Variants in KDM4B observed in about 807,000 individuals in gnomAD.
The protein encoded by KDM4B is lysine demethylase 4B.
A neutral mutation model predicts 125.2 loss-of-function variants in KDM4B; 32 were observed. That is an observed-to-expected ratio of 0.26 (90% CI 0.19 to 0.34). The LOEUF is 0.34. Among genes scored for constraint, KDM4B ranks in the 10% least tolerant of loss-of-function variants. The probability of loss-of-function intolerance (pLI) is 1.00; values close to 1 mark genes in which losing one functional copy is unlikely to be tolerated. For synonymous variants in KDM4B, 721 were observed against 677.9 expected (o/e 1.06, Z -0.99); for missense variants, 1,190 against 1,577.7 (o/e 0.75, Z 4.16).
intron 3 of KDM4B, among the ~76,000 whole-genome samples, chr19:5,034,262 A>G (rs1462693706): frequency 1.3e-5 from 2 of 152,214 alleles, no homozygotes; most frequent in Non-Finnish European, 2.9e-5. Context: ...AGTTTGGAAG[A>G]TGAATCGTCG....
intron 6 of KDM4B, among the ~76,000 whole-genome samples, chr19:5,055,770 G>A (rs962070466): frequency 6.6e-6 from 1 of 152,204 alleles, no homozygotes; most frequent in African/African-American, 2.4e-5. Context: ...TTTTGGTGAA[G>A]TCTTCTCCCC....
chr19:5,135,313 C>G, intron 14 of KDM4B, 26 bp from the exon 15 acceptor site: 1 of 1,528,248 alleles, frequency 6.5e-7, no homozygotes, highest in African/African-American at 1.4e-5. Flanking sequence ...TGGCTCTGTC[C>G]CCTGAAGGTC....
At chr19:4,984,615 AGT>A (rs2034765658) in intron 1 of KDM4B, among the ~76,000 whole-genome samples, 1 of 151,838 alleles carries the variant, frequency 6.6e-6, no homozygotes, top group Non-Finnish European at 1.5e-5. Context: ...GTGAACTTGG[AGT>A]GTGTTGGGGA....
rs888848023 is a variant in KDM4B at position 5,142,173 on chromosome 19, C to T, written c.2551-1794C>T. 3.3e-5 allele frequency among the ~76,000 whole-genome samples: 5 copies of T among 152,094 alleles called. No homozygotes were observed. The highest frequency in any genetic ancestry group is 9.7e-5 in the African/African-American group (4 of 41,424). The stretch of plus-strand genomic sequence containing the variant: ...CCCTGTGGCCTCCGAGGAAGGACAC[C>T]GAGCCGGGAACTTCGAACCAAACAC... On this transcript the variant is annotated intron_variant, in intron 18 of 22. Coordinates refer to ENST00000159111, the MANE Select transcript of KDM4B (RefSeq NM_015015.3). The surrounding 1 kb of genome is among the most constrained non-coding windows in gnomAD (Gnocchi z 5.4).
chr19:5,038,221 G>A (rs2036691340), intron 3 of KDM4B, among the ~76,000 whole-genome samples: 1 of 152,246 alleles, frequency 6.6e-6, no homozygotes. Context: ...ACTGGGTGTG[G>A]CAGCCCCGGA....
intron 21 of KDM4B, among the ~76,000 whole-genome samples, chr19:5,147,003 C>T (rs191810641): frequency 2.0e-5 from 3 of 147,834 alleles, no homozygotes; most frequent in East Asian, 2.0e-4. Flanking sequence ...ATCTAGTACA[C>T]GGCAGGATGG....
chr19:5,145,543 T>G (rs1347731701), intron 21 of KDM4B, among the ~76,000 whole-genome samples: 1 of 152,096 alleles, frequency 6.6e-6, no homozygotes, highest in South Asian at 2.1e-4. Flanking sequence ...ATCACACCAC[T>G]GCACTCCACA....
In KDM4B at chr19:5,114,287, C is replaced by T; in HGVS notation, c.1115+3469C>T. 3.2e-6 allele frequency: 4 copies of T among 1,239,970 alleles called. No individual in the cohort carries two copies. The highest frequency in any genetic ancestry group is 4.2e-6 in the Non-Finnish European group (4 of 943,342). The allele number at this position is 1,239,970 out of a possible 1,614,324, so 76.8% of individuals were successfully genotyped here. ...ACAGCCTCCCTGGCCCACTGCTGCT[C>T]TGTGAGCCCGGCTGGGCCCAGGCCT... is the stretch of plus-strand genomic sequence containing the variant. On this transcript the variant is annotated intron_variant, in intron 10 of 22. Coordinates refer to ENST00000159111, the MANE Select transcript of KDM4B (RefSeq NM_015015.3). This position sits in a 1 kb window ranked among gnomAD's most constrained non-coding sequence, Gnocchi z 5.8.
At chr19:4,985,140 A>C (rs2145344862) in intron 1 of KDM4B, among the ~76,000 whole-genome samples, 1 of 152,280 alleles carries the variant, frequency 6.6e-6, no homozygotes, top group African/African-American at 2.4e-5. Context: ...CCTGGCCAAC[A>C]TGGTGAAACC....
chr19:5,115,390 C>G lies in KDM4B; in HGVS notation c.1116-4263C>G, dbSNP rs1264390761. 6.6e-6 allele frequency among the ~76,000 whole-genome samples: 1 copy of G among 152,130 alleles called. No individual in the cohort carries two copies. The highest frequency in any genetic ancestry group is 2.4e-5 in the African/African-American group (1 of 41,422). ...CTGCCAGCCTCACATCCCCCCAACC[C>G]CCAAGGCCAGGAGAGACAATAGAGG... On this transcript the variant is annotated intron_variant, in intron 10 of 22. Coordinates refer to ENST00000159111, the MANE Select transcript of KDM4B (RefSeq NM_015015.3). This position sits in a 1 kb window ranked among gnomAD's most constrained non-coding sequence, Gnocchi z 4.2.
rs1225512394 is a variant in KDM4B, at chr19:5,150,439, C to T, written c.3103C>T (p.Arg1035Cys). 8 of 1,550,156 alleles carry T rather than the reference C, an allele frequency of 5.2e-6. No homozygotes were observed. The highest frequency in any genetic ancestry group is 5.2e-6 in the Non-Finnish European group (6 of 1,146,580). Residue 1035 changes from arginine (R) to cysteine (C), a missense_variant, in exon 22 of 23, where the codon CGC (arginine) becomes TGC (cysteine). Around this residue, in one of 7 missense-constraint regions of KDM4B, gnomAD observed 298 missense variants for 439.7 expected, o/e 0.68. Coordinates refer to ENST00000159111, the MANE Select transcript of KDM4B (RefSeq NM_015015.3). ...TLEEELPKRV[R>C]SRLSLSTGAP... ...GGAGGAGGAGCTGCCCAAGAGGGTC[C>T]GCTCTCGGCTGGTGAGTGCGCGAGG...
rs147259786 is a variant in KDM4B, at chr19:5,065,467, CTT to C, written c.627-5541_627-5540del. On this transcript the variant is annotated intron_variant, in intron 6 of 22. Transcript: ENST00000159111. Reference sequence around the variant, plus strand: ...TTATATTCAAAAATGCTGTTTCACACTTTATTTGTTTGATGATTTAGAGCGAT... The same window carrying C: ...TTATATTCAAAAATGCTGTTTCACACTATTTGTTTGATGATTTAGAGCGAT... 5.3e-5 allele frequency among the ~76,000 whole-genome samples: 8 copies of C among 152,314 alleles called. No individual in the cohort carries two copies. In the South Asian group the frequency reaches 1.7e-3, roughly 32 times the overall value.
At chr19:5,108,966 C>T (rs2039087203) in intron 9 of KDM4B, among the ~76,000 whole-genome samples, 1 of 152,186 alleles carries the variant, frequency 6.6e-6, no homozygotes, top group Admixed American at 6.5e-5. Context: ...GTGGAGACTC[C>T]CAGGGGCTAC....
At chr19:5,149,641 G>A (rs915024914) in intron 21 of KDM4B, among the ~76,000 whole-genome samples, 2 of 152,162 alleles carry the variant, frequency 1.3e-5, no homozygotes, top group African/African-American at 4.8e-5. Flanking sequence ...TCCCTGGCAC[G>A]CCCTTCATGG....
At chr19:5,128,837 C>G (rs541872453) in intron 11 of KDM4B, among the ~76,000 whole-genome samples, 12 of 121,488 alleles carry the variant, frequency 9.9e-5, no homozygotes, top group African/African-American at 3.8e-4. Flanking sequence ...GCTGAGGGGC[C>G]AGATAACAGT....
chr19:5,110,693 C>T lies in KDM4B; in HGVS notation c.990C>T (p.Tyr330=), dbSNP rs140196276. The T allele has an allele frequency of 4.9e-4, 796 of 1,612,982 alleles. 1 individual carries two copies. Among genetic ancestry groups the T allele is most frequent in the Non-Finnish European group, 6.3e-4 (747 of 1,179,882 alleles). The change falls in exon 10 of 23, where the codon TAC becomes TAT. Residue 330 remains tyrosine (Y), a synonymous_variant. Coordinates refer to ENST00000159111, the MANE Select transcript of KDM4B (RefSeq NM_015015.3). ...TGCGCATCCTGCAGCCCGAGCGCTA[C>T]GAGCTGTGGAAGCAGGGCAAGGACC... ...VFVRILQPER[Y]ELWKQGKDLT...
intron 13 of KDM4B, 44 bp from the exon 14 acceptor site, chr19:5,133,839 A>T: frequency 7.5e-6 from 12 of 1,597,678 alleles, no homozygotes; most frequent in Non-Finnish European, 1.0e-5. Context: ...ACGAGTTTTT[A>T]GGGGGCTCAA....
At chr19:5,003,382 G>A (rs10415175) in intron 1 of KDM4B, among the ~76,000 whole-genome samples, 36,831 of 152,140 alleles carry the variant, frequency 0.24, 4,667 homozygotes, top group Non-Finnish European at 0.28. Context: ...TCGGGAGGCT[G>A]AGGAAGGAGG....
chr19:4,978,506 CAAAAAAAAAAA>C (rs58304162), intron 1 of KDM4B, among the ~76,000 whole-genome samples: 26 of 36,408 alleles, frequency 7.1e-4, no homozygotes, highest in Admixed American at 3.0e-3. Context: ...GACTCTGTCT[CAAAAAAAAAAA>C]AAAAAAAAAA....
Sources: allele counts gnomAD v4.1 joint callset (sites outside exome capture counted in the v4.1 genomes callset), GRCh38; gene constraint gnomAD v4.1.1; regional missense constraint gnomAD v4.1.1; non-coding constraint Gnocchi (gnomAD v3.1); transcripts MANE v1.5; gene names NCBI Gene and HGNC (gene_info 2026-07-23, HGNC 2026-07-21).